HERC4: variants seen among roughly 807,000 people sequenced by gnomAD.
HERC4 encodes HECT and RLD domain containing E3 ubiquitin protein ligase 4, also known as probable E3 ubiquitin-protein ligase HERC4.
Under a neutral mutation model 124.3 loss-of-function variants are expected in HERC4, and 28 were observed. The ratio of observed to expected loss-of-function variants is 0.23; its 90% CI spans 0.17 to 0.31. HERC4 has a LOEUF of 0.31. Ranked by LOEUF, HERC4 falls within the 10% of genes least tolerant of loss-of-function variation. HERC4 has a pLI of 1.00. For missense variants in HERC4, 713 were observed against 1,229.3 expected (o/e 0.58, Z 6.28); for synonymous variants, 407 against 421.5 (o/e 0.97, Z 0.42).
intron 9 of HERC4, chr10:68,010,449 C>A: frequency 1.1e-6 from 1 of 940,190 alleles, no homozygotes. Flanking sequence ...GCCCTTCTGG[C>A]GCCAATTACA....
At chr10:67,956,766 C>G in intron 17 of HERC4, 112 bp downstream of exon 17, 2 of 563,500 alleles carry the variant, frequency 3.5e-6, no homozygotes, top group Non-Finnish European at 6.1e-6. Context: ...TATAGCTACC[C>G]AAAGTACTTT....
At chr10:67,924,414 C>T (rs2030630036) in intron 24 of HERC4, among the ~76,000 whole-genome samples, 1 of 152,176 alleles carries the variant, frequency 6.6e-6, no homozygotes, top group South Asian at 2.1e-4. Context: ...ACCTAGGCTA[C>T]ATGATATAGC....
chr10:68,051,915 C>T (rs2040333466), intron 3 of HERC4, among the ~76,000 whole-genome samples: 1 of 151,798 alleles, frequency 6.6e-6, no homozygotes, highest in Non-Finnish European at 1.5e-5. Flanking sequence ...GCAACACGCC[C>T]GCCTCAGCCT....
At chr10:68,045,040 GC>G (rs2039950521) in intron 3 of HERC4, among the ~76,000 whole-genome samples, 1 of 152,196 alleles carries the variant, frequency 6.6e-6, no homozygotes, top group African/African-American at 2.4e-5. Flanking sequence ...AAGGAAACAG[GC>G]ACGGTGTGCT....
chr10:67,951,926 A>T (rs908948728), intron 19 of HERC4, among the ~76,000 whole-genome samples: 2 of 152,180 alleles, frequency 1.3e-5, no homozygotes, highest in East Asian at 3.8e-4. Context: ...ACAAAAAAAA[A>T]TGCATACAAC....
At position 68,059,553 on chromosome 10, in the gene HERC4, A is replaced by ATAT. The variant is rs1491177377; in HGVS notation, c.226+13327_226+13329dup. On this transcript the variant is annotated intron_variant, in intron 3 of 24. Coordinates refer to ENST00000373700, the MANE Select transcript of HERC4 (RefSeq NM_015601.4). ...ATTATATATCATATTATATATCATAATATATATCATAATATTATATATCAT... is the reference window on the plus strand; with the variant it reads ...ATTATATATCATATTATATATCATAATATTATATATCATAATATTATATATCAT... Among the ~76,000 whole-genome samples, 362 of 87,820 alleles carry ATAT rather than the reference A, an allele frequency of 4.1e-3. 10 individuals are homozygous for ATAT. Among genetic ancestry groups the ATAT allele is most frequent in the South Asian group, 6.1e-3 (16 of 2,618 alleles). 57.6% of individuals were successfully genotyped at this position (87,820 alleles called of 152,430 possible). A position where few individuals can be genotyped will look rare whatever the true frequency, so the allele number is the denominator to read the frequency against.
intron 3 of HERC4, among the ~76,000 whole-genome samples, chr10:68,062,892 A>T (rs2041103508): frequency 1.3e-5 from 2 of 152,190 alleles, no homozygotes; most frequent in Non-Finnish European, 2.9e-5. Flanking sequence ...GAGTGAATAG[A>T]TATTCACCAA....
chr10:68,054,888 T>C (rs1434009972), intron 3 of HERC4, among the ~76,000 whole-genome samples: 1 of 152,156 alleles, frequency 6.6e-6, no homozygotes, highest in Non-Finnish European at 1.5e-5. Flanking sequence ...AGTGCAACTA[T>C]TGTTTACTAA....
At chr10:68,065,615 A>C (rs1161370948) in intron 3 of HERC4, among the ~76,000 whole-genome samples, 1 of 152,132 alleles carries the variant, frequency 6.6e-6, no homozygotes, top group Non-Finnish European at 1.5e-5. Flanking sequence ...GTTCATGCCT[A>C]TAATCCCAGC....
At chr10:67,926,473 G>A (rs757404552) in intron 23 of HERC4, among the ~76,000 whole-genome samples, 1 of 151,500 alleles carries the variant, frequency 6.6e-6, no homozygotes, top group Non-Finnish European at 1.5e-5. Flanking sequence ...AGGAAGTAGA[G>A]AGGAAATAGT....
At chr10:67,958,175 G>A (rs909111367) in intron 16 of HERC4, among the ~76,000 whole-genome samples, 3 of 152,112 alleles carry the variant, frequency 2.0e-5, no homozygotes, top group Non-Finnish European at 4.4e-5. Context: ...GGAAGTGTAC[G>A]TAGTTTAAAT....
intron 3 of HERC4, among the ~76,000 whole-genome samples, chr10:68,057,892 G>T (rs1365999982): frequency 6.6e-6 from 1 of 151,846 alleles, no homozygotes; most frequent in Non-Finnish European, 1.5e-5. Context: ...GTAGAAATGG[G>T]ATTTCACCAT....
rs1564607713 is a variant in HERC4, at chr10:68,059,576, C to CATATTATATATCATA, written c.226+13292_226+13306dup. ...TAATATATATCATAATATTATATAT[C>CATATTATATATCATA]ATATTATATATCATATTATATATCA... On this transcript the variant is annotated intron_variant, in intron 3 of 24. Coordinates refer to ENST00000373700, the MANE Select transcript of HERC4 (RefSeq NM_015601.4). 7.3e-4 allele frequency among the ~76,000 whole-genome samples: 48 copies of CATATTATATATCATA among 65,800 alleles called. 5 individuals carry two copies. The highest frequency in any genetic ancestry group is 3.8e-3 in the African/African-American group (43 of 11,196). The allele number at this position is 65,800 out of a possible 152,430, so 43.2% of individuals were successfully genotyped here.
At chr10:67,947,393 C>T (rs2033450386) in intron 19 of HERC4, among the ~76,000 whole-genome samples, 1 of 152,182 alleles carries the variant, frequency 6.6e-6, no homozygotes, top group Non-Finnish European at 1.5e-5. Flanking sequence ...AGGGTCAATT[C>T]ATCAAGAAGA....
chr10:68,029,178 G>GA (rs200488939), intron 7 of HERC4, among the ~76,000 whole-genome samples: 6 of 148,974 alleles, frequency 4.0e-5, no homozygotes, highest in Admixed American at 6.7e-5. Flanking sequence ...CCCCATCTCA[G>GA]AAAAAAAAAA....
chr10:67,968,569 G>T (rs1489587868), intron 15 of HERC4, among the ~76,000 whole-genome samples: 1 of 151,918 alleles, frequency 6.6e-6, no homozygotes, highest in Non-Finnish European at 1.5e-5. Context: ...TAGAGATGGG[G>T]TTTCACCATG....
intron 9 of HERC4, among the ~76,000 whole-genome samples, chr10:68,013,736 C>A (rs1398224223): frequency 1.3e-5 from 2 of 152,032 alleles, no homozygotes; most frequent in Non-Finnish European, 2.9e-5. Flanking sequence ...GTATATTTTA[C>A]CACAATTTAA....
chr10:68,059,830 T>TATATATTATATTATATATCATAATAC (rs2040875213), intron 3 of HERC4, among the ~76,000 whole-genome samples: 1 of 50,872 alleles, frequency 2.0e-5, no homozygotes, highest in Non-Finnish European at 2.7e-5. Flanking sequence ...TATCATAATA[T>TATATATTATATTATATATCATAATAC]TATATATTAT....
chr10:68,001,196 C>A (rs2037209025), intron 9 of HERC4, among the ~76,000 whole-genome samples: 1 of 151,946 alleles, frequency 6.6e-6, no homozygotes, highest in Admixed American at 6.6e-5. Context: ...CATAGTGAGA[C>A]CCCGTCTCTA....
Sources: allele counts gnomAD v4.1 joint callset (sites outside exome capture counted in the v4.1 genomes callset), GRCh38; gene constraint gnomAD v4.1.1; transcripts MANE v1.5; gene names NCBI Gene and HGNC (gene_info 2026-07-23, HGNC 2026-07-21).